AK7: variants seen among roughly 807,000 people sequenced by gnomAD.
The protein encoded by AK7 is ATP-AMP transphosphorylase 7.
A neutral mutation model predicts 96.6 loss-of-function variants in AK7; 78 were observed. That is an observed-to-expected ratio of 0.81 (90% confidence interval 0.67 to 0.97). The LOEUF (loss-of-function observed/expected upper bound fraction) is 0.97. AK7 is among the 50% of genes least tolerant of loss of function. The pLI, the probability that AK7 is intolerant of heterozygous loss-of-function variation, is 0.00. For synonymous variants in AK7, 302 were observed against 317.2 expected (o/e 0.95, Z 0.51); for missense variants, 855 against 887.9 (o/e 0.96, Z 0.47).
At chr14:96,445,109 G>A (rs1209184711) in intron 7 of AK7, among the ~76,000 whole-genome samples, 2 of 152,178 alleles carry the variant, frequency 1.3e-5, no homozygotes, top group East Asian at 3.8e-4. Flanking sequence ...CTTTGTTTCT[G>A]CTTTCTGCAG....
intron 5 of AK7, among the ~76,000 whole-genome samples, chr14:96,431,010 A>G (rs953489449): frequency 2.6e-5 from 4 of 152,140 alleles, no homozygotes; most frequent in East Asian, 1.9e-4. Context: ...GGGAGGGTGT[A>G]TGTGTCCAGG....
chr14:96,427,074 C>A (rs1468419976), intron 5 of AK7, among the ~76,000 whole-genome samples: 1 of 152,086 alleles, frequency 6.6e-6, no homozygotes, highest in African/African-American at 2.4e-5. Flanking sequence ...GGAGAAACCC[C>A]GTCTCTACTG....
chr14:96,430,331 G>A (rs1175221998), intron 5 of AK7, among the ~76,000 whole-genome samples: 2 of 151,228 alleles, frequency 1.3e-5, no homozygotes, highest in Non-Finnish European at 3.0e-5. Flanking sequence ...GACTACAGGC[G>A]CCCGCCACTA....
intron 12 of AK7, among the ~76,000 whole-genome samples, chr14:96,464,544 CAAAAAAA>C (rs375649324): frequency 1.9e-4 from 11 of 57,662 alleles, no homozygotes; most frequent in Non-Finnish European, 2.3e-4. Flanking sequence ...GACCCTGTCC[CAAAAAAA>C]AAAAAAAAAA....
chr14:96,451,320 T>C, intron 9 of AK7, 101 bp from the exon 10 acceptor site: 2 of 1,007,950 alleles, frequency 2.0e-6, no homozygotes, highest in Non-Finnish European at 2.8e-6. Context: ...GTTTAGTGAA[T>C]GTATATTGTT....
intron 2 of AK7, among the ~76,000 whole-genome samples, chr14:96,401,034 C>T (rs1480045210): frequency 2.0e-5 from 3 of 152,220 alleles, no homozygotes; most frequent in Non-Finnish European, 4.4e-5. Flanking sequence ...GGGTCCTCAG[C>T]ACACCTCTCT....
chr14:96,414,438 C>T (rs1316624904), intron 4 of AK7, among the ~76,000 whole-genome samples: 1 of 152,244 alleles, frequency 6.6e-6, no homozygotes, highest in African/African-American at 2.4e-5. Context: ...GGCCAGGAGA[C>T]TCCCAGGAAG....
At chr14:96,451,874 T>G (rs1015967348) in intron 10 of AK7, among the ~76,000 whole-genome samples, 1 of 152,172 alleles carries the variant, frequency 6.6e-6, no homozygotes, top group South Asian at 2.1e-4. Context: ...TAGATAATAA[T>G]GTACGCAAAT....
intron 6 of AK7, among the ~76,000 whole-genome samples, chr14:96,441,274 G>A (rs1892941263): frequency 6.6e-6 from 1 of 152,026 alleles, no homozygotes; most frequent in African/African-American, 2.4e-5. Context: ...TTGTCAGGGT[G>A]AAATTCAACA....
chr14:96,479,588 T>C (rs1425753041), intron 15 of AK7, among the ~76,000 whole-genome samples: 1 of 152,058 alleles, frequency 6.6e-6, no homozygotes, highest in East Asian at 1.9e-4. Flanking sequence ...TTCCTTCTTG[T>C]TTCCTGTAAA....
intron 1 of AK7, among the ~76,000 whole-genome samples, chr14:96,392,748 C>G (rs1889829904): frequency 1.3e-5 from 2 of 152,114 alleles, no homozygotes; most frequent in African/African-American, 4.8e-5. Context: ...ACTGCAAGCT[C>G]CGCCTCCCGG....
intron 11 of AK7, chr14:96,457,054 CTTTTTTTTTTTTTTT>C (rs35838636): frequency 2.3e-5 from 2 of 86,722 alleles, no homozygotes; most frequent in Non-Finnish European, 4.5e-5. Flanking sequence ...TGTAAAATGG[CTTTTTTTTTTTTTTT>C]TTTTTTTTTG....
chr14:96,464,384 C>T (rs1224886923), intron 12 of AK7, among the ~76,000 whole-genome samples: 2 of 151,302 alleles, frequency 1.3e-5, no homozygotes, highest in African/African-American at 4.9e-5. Flanking sequence ...CCCACCTCTA[C>T]AAAAAATACA....
intron 12 of AK7, among the ~76,000 whole-genome samples, chr14:96,463,392 C>T (rs1205442593): frequency 6.9e-6 from 1 of 145,060 alleles, no homozygotes; most frequent in Non-Finnish European, 1.5e-5. Context: ...TCTCTCTGAA[C>T]CTGTTTCATC....
At chr14:96,401,399 T>C (rs923420536) in intron 2 of AK7, among the ~76,000 whole-genome samples, 4 of 152,172 alleles carry the variant, frequency 2.6e-5, no homozygotes, top group Non-Finnish European at 5.9e-5. Context: ...CACAAAGTCC[T>C]GCAGATGGCC....
At chr14:96,480,886 C>T (rs551734395) in intron 15 of AK7, among the ~76,000 whole-genome samples, 32 of 152,290 alleles carry the variant, frequency 2.1e-4, no homozygotes, top group African/African-American at 7.5e-4. Context: ...GAGGGCGTCT[C>T]ACAGCCAGGG....
At chr14:96,420,631 G>A (rs1481278288) in intron 4 of AK7, among the ~76,000 whole-genome samples, 191 bp from the exon 5 acceptor site, 2 of 152,118 alleles carry the variant, frequency 1.3e-5, no homozygotes, top group African/African-American at 4.8e-5. Context: ...GGCCGAGGCA[G>A]GAGGATTGCT....
intron 2 of AK7, 44 bp from the exon 3 acceptor site, chr14:96,404,713 T>C: frequency 7.5e-7 from 1 of 1,331,528 alleles, no homozygotes; most frequent in Middle Eastern, 1.9e-4. Flanking sequence ...GAAGGTTACC[T>C]TGTTAGCGTC....
intron 2 of AK7, among the ~76,000 whole-genome samples, chr14:96,403,295 G>A (rs866227621): frequency 2.0e-5 from 3 of 151,858 alleles, no homozygotes; most frequent in African/African-American, 7.3e-5. Context: ...ACAAGACGAG[G>A]AACAGATTGC....
Sources: allele counts gnomAD v4.1 joint callset (sites outside exome capture counted in the v4.1 genomes callset), GRCh38; gene constraint gnomAD v4.1.1; transcripts MANE v1.5; gene names NCBI Gene and HGNC (gene_info 2026-07-23, HGNC 2026-07-21).